Variants in KMT2C observed in about 807,000 individuals in gnomAD.
The protein encoded by KMT2C is histone-lysine N-methyltransferase 2C.
Under a neutral mutation model 507.9 loss-of-function variants are expected in KMT2C, and 88 were observed. The observed-to-expected ratio is 0.17, with a 90% CI of 0.15 to 0.21. The LOEUF (loss-of-function observed/expected upper bound fraction) is 0.21, where lower values mean the gene tolerates loss of function less well. KMT2C is among the 10% of genes least tolerant of loss of function. The pLI, the probability that KMT2C is intolerant of heterozygous loss-of-function variation, is 1.00. For synonymous variants in KMT2C, 2,049 were observed against 2,080.8 expected, an observed-to-expected ratio of 0.98 and a Z score of 0.42; for missense variants, 4,954 against 5,957.8, an observed-to-expected ratio of 0.83 and a Z score of 5.55.
At chr7:152,257,604 G>C (rs1467142986) in intron 9 of KMT2C, among the ~76,000 whole-genome samples, 1 of 152,174 alleles carries the variant, frequency 6.6e-6, no homozygotes, top group Admixed American at 6.6e-5. Flanking sequence ...CTACAACCCA[G>C]AATTTTTATT....
At chr7:152,291,258 A>T (rs1201599908) in intron 6 of KMT2C, among the ~76,000 whole-genome samples, 1 of 148,526 alleles carries the variant, frequency 6.7e-6, no homozygotes, top group South Asian at 2.2e-4. Flanking sequence ...CTAAATTGCT[A>T]TGTAGAATGG....
chr7:152,296,948 TG>T (rs2096503291), intron 6 of KMT2C, among the ~76,000 whole-genome samples: 1 of 135,350 alleles, frequency 7.4e-6, no homozygotes, highest in Admixed American at 8.2e-5. Flanking sequence ...GAGACCAGCC[TG>T]ACAAACATGG....
intron 16 of KMT2C, among the ~76,000 whole-genome samples, chr7:152,230,784 G>A (rs1228423028): frequency 6.6e-6 from 1 of 152,116 alleles, no homozygotes; most frequent in African/African-American, 2.4e-5. Context: ...CGGTCGAAAT[G>A]GAAGGCATTA....
chr7:152,171,181 G>A, intron 40 of KMT2C, 83 bp downstream of exon 40: 1 of 862,802 alleles, frequency 1.2e-6, no homozygotes, highest in South Asian at 1.9e-5. Flanking sequence ...CTACTCTCTA[G>A]CAGGGGACTT....
chr7:152,251,098 T>C (rs1433179961), intron 11 of KMT2C, 132 bp from the exon 12 acceptor site: 2 of 603,870 alleles, frequency 3.3e-6, no homozygotes, highest in African/African-American at 3.7e-5. Flanking sequence ...TTCAGATTTT[T>C]CTCTGTTGAA....
intron 6 of KMT2C, among the ~76,000 whole-genome samples, chr7:152,286,082 C>G (rs2096291725): frequency 6.6e-6 from 1 of 152,308 alleles, no homozygotes; most frequent in Non-Finnish European, 1.5e-5. Flanking sequence ...ATTGGTCCAT[C>G]TCCTTGAAAA....
rs866814443 is a variant in KMT2C at position 152,255,155 on chromosome 7, A to G, written c.1300-2440T>C. 2.1e-3 allele frequency among the ~76,000 whole-genome samples: 282 copies of G among 137,444 alleles called. 2 individuals carry two copies. The highest frequency in any genetic ancestry group is 7.4e-3 in the African/African-American group (266 of 35,898). The allele number at this position is 137,444 out of a possible 152,430, so 90.2% of individuals were successfully genotyped here. A position where few individuals can be genotyped will look rare whatever the true frequency, so the allele number is the denominator to read the frequency against. On this transcript the variant is annotated intron_variant, in intron 9 of 58. Coordinates refer to ENST00000262189, the MANE Select transcript of KMT2C (RefSeq NM_170606.3). ...TATATATATATATATACATATATAT[A>G]TATGTGTGTGTGTGTGTGTGTGTGT...
intron 15 of KMT2C, among the ~76,000 whole-genome samples, chr7:152,237,312 C>A (rs1246391879): frequency 1.3e-5 from 2 of 152,186 alleles, no homozygotes; most frequent in Non-Finnish European, 2.9e-5. Flanking sequence ...AATAGATACA[C>A]ATGAACAAAA....
intron 8 of KMT2C, among the ~76,000 whole-genome samples, chr7:152,264,595 T>A (rs1417284051): frequency 6.6e-6 from 1 of 152,184 alleles, no homozygotes; most frequent in Non-Finnish European, 1.5e-5. Flanking sequence ...GACTGATTTT[T>A]TGGCTCAACT....
intron 1 of KMT2C, among the ~76,000 whole-genome samples, chr7:152,362,889 A>T (rs1054149517): frequency 2.6e-5 from 4 of 152,224 alleles, no homozygotes; most frequent in African/African-American, 9.7e-5. Context: ...CACTAGGAAG[A>T]CATGCTTTTT....
intron 9 of KMT2C, among the ~76,000 whole-genome samples, chr7:152,260,642 TAAGA>T (rs1388810270): frequency 2.6e-5 from 4 of 152,220 alleles, no homozygotes; most frequent in Non-Finnish European, 4.4e-5. Flanking sequence ...TTTCAGAGTA[TAAGA>T]AAGAAAAATT....
chr7:152,304,141 T>G (rs1487914595), intron 6 of KMT2C, among the ~76,000 whole-genome samples: 1 of 152,198 alleles, frequency 6.6e-6, no homozygotes, highest in African/African-American at 2.4e-5. Context: ...AGTATCTCAT[T>G]CCCTTCCATT....
At chr7:152,297,051 A>AAGAAAGAC (rs1356233143) in intron 6 of KMT2C, among the ~76,000 whole-genome samples, 707 of 60,062 alleles carry the variant, frequency 0.012, 4 homozygotes, top group African/African-American at 0.017. Context: ...GAAAGAAAGA[A>AAGAAAGAC]AGACAGAGAG....
intron 35 of KMT2C, 36 bp from the exon 36 acceptor site, chr7:152,182,630 G>C (rs2093470050): frequency 6.7e-7 from 1 of 1,498,634 alleles, no homozygotes. Context: ...ATCATATTTA[G>C]GTTAAGGAAG....
At chr7:152,302,175 A>T (rs977861043) in intron 6 of KMT2C, among the ~76,000 whole-genome samples, 7 of 152,162 alleles carry the variant, frequency 4.6e-5, no homozygotes, top group Non-Finnish European at 8.8e-5. Flanking sequence ...GAAGGAAGAG[A>T]TTACCAATTC....
chr7:152,387,254 G>C (rs1376999097), intron 1 of KMT2C, among the ~76,000 whole-genome samples: 3 of 151,412 alleles, frequency 2.0e-5, no homozygotes, highest in Admixed American at 2.0e-4. Flanking sequence ...GGTTTTATCT[G>C]AGCCATTCCT....
At chr7:152,281,598 G>A (rs1283050594) in intron 6 of KMT2C, among the ~76,000 whole-genome samples, 1 of 152,210 alleles carries the variant, frequency 6.6e-6, no homozygotes, top group Admixed American at 6.5e-5. Context: ...TGGGCCTGGT[G>A]GCAGGCGCCT....
chr7:152,410,499 A>G (rs1391829760), intron 1 of KMT2C, among the ~76,000 whole-genome samples: 3 of 152,040 alleles, frequency 2.0e-5, no homozygotes, highest in Non-Finnish European at 2.9e-5. Context: ...AATCGCTTGA[A>G]CCTGGGAGGT....
At position 152,181,464 on chromosome 7, in the gene KMT2C, G is replaced by C. The variant is rs747349209; in HGVS notation, c.6396C>G (p.Ser2132=). 4.3e-6 allele frequency: 7 copies of C among 1,613,908 alleles called. No homozygotes were observed. The highest frequency in any genetic ancestry group is 5.9e-6 in the Non-Finnish European group (7 of 1,180,014). ...CAGGTCGTGGAGTTCCTGGGGGTTG[G>C]GAGTATGGGTCCTGAGATGTTGGCC... ...ISRPTSQDPY[S]QPPGTPRPVV... is the part of the protein sequence containing the mutation. The change falls in exon 36 of 59, where the codon TCC becomes TCG. Residue 2132 remains serine (S), a synonymous_variant. Transcript: ENST00000262189.
Sources: allele counts gnomAD v4.1 joint callset (sites outside exome capture counted in the v4.1 genomes callset), GRCh38; gene constraint gnomAD v4.1.1; transcripts MANE v1.5; gene names NCBI Gene and HGNC (gene_info 2026-07-23, HGNC 2026-07-21).